CPNE8: variants seen among roughly 807,000 people sequenced by gnomAD.
CPNE8 encodes the protein copine-8.
A neutral mutation model predicts 81.5 loss-of-function variants in CPNE8; 45 were observed. That is an observed-to-expected ratio of 0.55 (90% CI 0.44 to 0.71). CPNE8 has a LOEUF of 0.71. Among genes scored for constraint, CPNE8 ranks in the 30% least tolerant of loss-of-function variants. The pLI, the probability that CPNE8 is intolerant of heterozygous loss-of-function variation, is 0.00. For synonymous variants in CPNE8, 252 were observed against 226.3 expected (o/e 1.11, Z -1.02); for missense variants, 594 against 672.1 (o/e 0.88, Z 1.28).
At chr12:38,900,781 A>G (rs752598196) in intron 1 of CPNE8, among the ~76,000 whole-genome samples, 2 of 152,106 alleles carry the variant, frequency 1.3e-5, no homozygotes, top group Non-Finnish European at 2.9e-5. Context: ...ATCAGACTAT[A>G]TACAGTTGCT....
chr12:38,683,513 T>C (rs1939457975), intron 16 of CPNE8, among the ~76,000 whole-genome samples: 1 of 152,110 alleles, frequency 6.6e-6, no homozygotes, highest in Non-Finnish European at 1.5e-5. Context: ...GGCGCTTCTC[T>C]TAATAGAGAA....
At chr12:38,826,462 C>T (rs866605651) in intron 6 of CPNE8, among the ~76,000 whole-genome samples, 1 of 152,100 alleles carries the variant, frequency 6.6e-6, no homozygotes, top group African/African-American at 2.4e-5. Flanking sequence ...TGTTATACCC[C>T]GCCCTTAGCA....
chr12:38,675,387 AACTC>A (rs1939265683), intron 18 of CPNE8, among the ~76,000 whole-genome samples: 1 of 152,186 alleles, frequency 6.6e-6, no homozygotes, highest in Non-Finnish European at 1.5e-5. Context: ...TGGGAACAAA[AACTC>A]AATTTATCAC....
intron 10 of CPNE8, among the ~76,000 whole-genome samples, chr12:38,740,977 C>T (rs1322117303): frequency 1.3e-5 from 2 of 151,984 alleles, no homozygotes; most frequent in African/African-American, 4.8e-5. Context: ...ACCAGCTCCT[C>T]CTTGAAGGAC....
At chr12:38,852,080 C>A (rs1370402229) in intron 3 of CPNE8, among the ~76,000 whole-genome samples, 1 of 152,178 alleles carries the variant, frequency 6.6e-6, no homozygotes, top group Non-Finnish European at 1.5e-5. Flanking sequence ...TAGTCTCTCT[C>A]ATAGCACCTG....
At chr12:38,775,101 T>C (rs755126089) in intron 7 of CPNE8, among the ~76,000 whole-genome samples, 49 of 152,200 alleles carry the variant, frequency 3.2e-4, no homozygotes, top group Non-Finnish European at 5.3e-4. Context: ...TATCTATTGA[T>C]CATCTATCTA....
At chr12:38,815,709 AC>A (rs1943013084) in intron 6 of CPNE8, among the ~76,000 whole-genome samples, 1 of 152,156 alleles carries the variant, frequency 6.6e-6, no homozygotes, top group South Asian at 2.1e-4. Flanking sequence ...TCCATCTGTT[AC>A]CCGGTAATTT....
chr12:38,843,657 C>T (rs1040479662), intron 4 of CPNE8, among the ~76,000 whole-genome samples: 1 of 152,012 alleles, frequency 6.6e-6, no homozygotes. Context: ...TTCTGAGTGA[C>T]GAAAAACATA....
chr12:38,798,042 G>A (rs2136949063), intron 6 of CPNE8, among the ~76,000 whole-genome samples: 1 of 152,212 alleles, frequency 6.6e-6, no homozygotes, highest in African/African-American at 2.4e-5. Flanking sequence ...AGAAATATGG[G>A]ACTATGTGAA....
intron 10 of CPNE8, among the ~76,000 whole-genome samples, chr12:38,748,050 G>A (rs901867884): frequency 2.0e-5 from 3 of 151,782 alleles, no homozygotes; most frequent in African/African-American, 4.8e-5. Context: ...TCACTCTGTC[G>A]CTCAGGCTGG....
intron 1 of CPNE8, 66 bp from the exon 2 acceptor site, chr12:38,874,577 A>G: frequency 1.0e-6 from 1 of 996,136 alleles, no homozygotes; most frequent in Non-Finnish European, 1.5e-6. Context: ...ATATAGACAT[A>G]TTAAAATGTG....
intron 16 of CPNE8, among the ~76,000 whole-genome samples, chr12:38,685,215 C>A (rs1490369138): frequency 6.6e-6 from 1 of 152,172 alleles, no homozygotes; most frequent in East Asian, 1.9e-4. Context: ...CTCATGGATG[C>A]CTTTTCCTAA....
At chr12:38,736,946 T>C (rs1940969454) in intron 10 of CPNE8, among the ~76,000 whole-genome samples, 1 of 152,086 alleles carries the variant, frequency 6.6e-6, no homozygotes, top group African/African-American at 2.4e-5. Context: ...CTTGTCCAGT[T>C]TCACGGATTT....
intron 5 of CPNE8, among the ~76,000 whole-genome samples, chr12:38,829,908 G>A (rs1943256922): frequency 6.6e-6 from 1 of 152,144 alleles, no homozygotes; most frequent in African/African-American, 2.4e-5. Context: ...CAGCCAACCT[G>A]CCAGGTGTCT....
intron 6 of CPNE8, among the ~76,000 whole-genome samples, chr12:38,818,911 G>GT (rs1943069536): frequency 6.6e-6 from 1 of 152,064 alleles, no homozygotes; most frequent in Non-Finnish European, 1.5e-5. Context: ...TCATATGTTT[G>GT]TTGGCCGCAT....
rs531641768 is a variant in CPNE8 at position 38,798,308 on chromosome 12, G to A, written c.408-22007C>T. On this transcript the variant is annotated intron_variant, in intron 6 of 19. Transcript: ENST00000331366. ...TAAGGGCAGCCAGAGAGAAAGGTCG[G>A]GTTACCCACAAAGGGAAGCCCATCA... 2.0e-3 allele frequency among the ~76,000 whole-genome samples: 305 copies of A among 152,178 alleles called. 2 individuals carry two copies. The highest frequency in any genetic ancestry group is 7.2e-3 in the African/African-American group (300 of 41,500).
intron 10 of CPNE8, among the ~76,000 whole-genome samples, chr12:38,760,547 GA>G (rs1476457401): frequency 1.1e-4 from 16 of 151,128 alleles, no homozygotes; most frequent in African/African-American, 3.7e-4. Flanking sequence ...AATGTTCAGA[GA>G]AATTTTGAAA....
At chr12:38,799,634 G>C (rs1030009384) in intron 6 of CPNE8, among the ~76,000 whole-genome samples, 1 of 152,150 alleles carries the variant, frequency 6.6e-6, no homozygotes, top group Non-Finnish European at 1.5e-5. Context: ...ACAATTAAAA[G>C]AACTAGAAAA....
chr12:38,748,172 A>G (rs980142719), intron 10 of CPNE8, among the ~76,000 whole-genome samples: 15 of 150,664 alleles, frequency 1.0e-4, no homozygotes, highest in African/African-American at 3.6e-4. Flanking sequence ...CACCACGCCC[A>G]GCTAATTTTT....
Sources: gnomAD v4.1 joint callset for allele counts (sites outside exome capture counted in the v4.1 genomes callset) on GRCh38, gnomAD v4.1.1 for gene constraint, MANE v1.5 for transcripts, NCBI Gene and HGNC (gene_info 2026-07-23, HGNC 2026-07-21) for gene names.